Variants in FGF12 observed in about 807,000 individuals in gnomAD.
FGF12 encodes fibroblast growth factor 12.
In FGF12, 14 loss-of-function variants were observed where a neutral mutation model predicts 23.6. The ratio of observed to expected loss-of-function variants is 0.59; its 90% CI spans 0.39 to 0.93. The LOEUF is 0.93. Ranked by LOEUF, FGF12 falls within the 40% of genes least tolerant of loss-of-function variation. The probability of loss-of-function intolerance (pLI) is 0.00; values close to 1 mark genes in which losing one functional copy is unlikely to be tolerated. For synonymous variants in FGF12, 62 were observed against 77.3 expected, an observed-to-expected ratio of 0.80 and a Z score of 1.04; for missense variants, 175 against 217.8, an observed-to-expected ratio of 0.80 and a Z score of 1.24.
At chr3:192,691,112 A>T (rs76747086) in intron 2 of FGF12, among the ~76,000 whole-genome samples, 5,577 of 152,104 alleles carry the variant, frequency 0.037, 369 homozygotes, top group African/African-American at 0.13. Flanking sequence ...CCCACTTTCA[A>T]CAATGGATAG....
intron 2 of FGF12, among the ~76,000 whole-genome samples, chr3:192,615,893 T>G (rs1487594674): frequency 6.6e-6 from 1 of 152,034 alleles, no homozygotes; most frequent in African/African-American, 2.4e-5. Flanking sequence ...TGTTTATATA[T>G]TTCATTGATT....
chr3:192,290,959 C>G (rs1436575314), intron 4 of FGF12, among the ~76,000 whole-genome samples: 1 of 152,064 alleles, frequency 6.6e-6, no homozygotes, highest in Admixed American at 6.6e-5. Context: ...CGAAAAACAT[C>G]TATACATACA....
intron 2 of FGF12, among the ~76,000 whole-genome samples, chr3:192,483,492 GT>G (rs1723539674): frequency 6.6e-6 from 1 of 152,154 alleles, no homozygotes; most frequent in African/African-American, 2.4e-5. Context: ...GCCTGATACG[GT>G]TTTATTTCCT....
intron 2 of FGF12, among the ~76,000 whole-genome samples, chr3:192,451,251 A>G (rs1262004099): frequency 6.6e-6 from 1 of 152,252 alleles, no homozygotes; most frequent in East Asian, 1.9e-4. Context: ...GTAGGTATAA[A>G]GAATGATCAG....
At chr3:192,424,202 T>C (rs949941122) in intron 2 of FGF12, among the ~76,000 whole-genome samples, 1 of 152,178 alleles carries the variant, frequency 6.6e-6, no homozygotes, top group African/African-American at 2.4e-5. Context: ...TATTTTCAAA[T>C]AAAACAGGAT....
chr3:192,544,658 A>AT (rs139223405), intron 2 of FGF12, among the ~76,000 whole-genome samples: 23 of 151,642 alleles, frequency 1.5e-4, no homozygotes, highest in Admixed American at 2.0e-4. Context: ...AAATTTTACA[A>AT]TTTTTTTTTA....
intron 2 of FGF12, among the ~76,000 whole-genome samples, chr3:192,692,970 A>C (rs1291772956): frequency 2.0e-5 from 3 of 150,086 alleles, no homozygotes; most frequent in Non-Finnish European, 4.4e-5. Context: ...AAGAATAACC[A>C]GAAAAGAAAA....
intron 2 of FGF12, among the ~76,000 whole-genome samples, chr3:192,372,416 C>T (rs992561882): frequency 1.3e-5 from 2 of 149,842 alleles, no homozygotes; most frequent in South Asian, 2.1e-4. Context: ...CACACACACA[C>T]ACACAATGCT....
intron 4 of FGF12, among the ~76,000 whole-genome samples, chr3:192,224,887 C>A (rs1355499415): frequency 6.6e-6 from 1 of 152,020 alleles, no homozygotes; most frequent in Non-Finnish European, 1.5e-5. Context: ...TTTAAAAGTC[C>A]AGTATGTAAA....
chr3:192,361,862 C>A (rs1051087302), intron 2 of FGF12, among the ~76,000 whole-genome samples: 1 of 152,038 alleles, frequency 6.6e-6, no homozygotes, highest in Non-Finnish European at 1.5e-5. Flanking sequence ...CAAAGCAGTC[C>A]TACAAAGCAA....
chr3:192,294,737 A>T (rs1016502949), intron 4 of FGF12, among the ~76,000 whole-genome samples: 2 of 152,236 alleles, frequency 1.3e-5, no homozygotes, highest in Non-Finnish European at 2.9e-5. Flanking sequence ...CAACTATAAC[A>T]TAAAATAAAA....
At chr3:192,481,974 TAAAGA>T (rs1723492404) in intron 2 of FGF12, among the ~76,000 whole-genome samples, 1 of 152,162 alleles carries the variant, frequency 6.6e-6, no homozygotes, top group Non-Finnish European at 1.5e-5. Context: ...TATGAAGAAG[TAAAGA>T]AGAGTCACAT....
chr3:192,190,717 C>T (rs1223036974), intron 4 of FGF12, among the ~76,000 whole-genome samples: 9 of 151,914 alleles, frequency 5.9e-5, no homozygotes, highest in Admixed American at 1.3e-4. Flanking sequence ...CCTCGTGATC[C>T]GCCCACCTCG....
intron 2 of FGF12, among the ~76,000 whole-genome samples, chr3:192,446,484 G>A (rs139446287): frequency 1.1e-3 from 162 of 152,326 alleles, no homozygotes; most frequent in African/African-American, 3.8e-3. Context: ...TGAACCATTA[G>A]ATGCTATGGA....
chr3:192,342,647 G>A lies in FGF12; in HGVS notation c.125-7183C>T, dbSNP rs550189478. Among the ~76,000 whole-genome samples the A allele has an allele frequency of 8.6e-5, 13 of 152,018 alleles. No homozygotes were observed. In the South Asian group the frequency reaches 2.5e-3, roughly 29 times the overall value. On this transcript the variant is annotated intron_variant, in intron 3 of 5. Coordinates refer to ENST00000445105, the MANE Select transcript of FGF12 (RefSeq NM_004113.6). ...AAATAATTTAGTCAGGTATGTGTGTGTGCCTGTGGTCCCAGCTACTTGGGA... is the reference window on the plus strand; with the variant it reads ...AAATAATTTAGTCAGGTATGTGTGTATGCCTGTGGTCCCAGCTACTTGGGA...
At chr3:192,271,503 C>A (rs1010584800) in intron 4 of FGF12, among the ~76,000 whole-genome samples, 1 of 152,148 alleles carries the variant, frequency 6.6e-6, no homozygotes, top group African/African-American at 2.4e-5. Flanking sequence ...GCGTATCCCA[C>A]CCATCTTTGA....
At chr3:192,499,462 G>T (rs1447794369) in intron 2 of FGF12, among the ~76,000 whole-genome samples, 4 of 123,410 alleles carry the variant, frequency 3.2e-5, no homozygotes, top group Non-Finnish European at 6.4e-5. Flanking sequence ...CTAAAAGGGT[G>T]CATTCAATGC....
chr3:192,288,154 T>A (rs1167009600), intron 4 of FGF12, among the ~76,000 whole-genome samples: 1 of 152,102 alleles, frequency 6.6e-6, no homozygotes, highest in Non-Finnish European at 1.5e-5. Context: ...TCAAGCGATG[T>A]GTGGGCAGGG....
chr3:192,371,144 C>T (rs1283408777), intron 2 of FGF12, among the ~76,000 whole-genome samples: 1 of 152,066 alleles, frequency 6.6e-6, no homozygotes, highest in Non-Finnish European at 1.5e-5. Flanking sequence ...CTGGAGAATG[C>T]CGACCACAAG....
Sources: allele counts gnomAD v4.1 joint callset (sites outside exome capture counted in the v4.1 genomes callset), GRCh38; gene constraint gnomAD v4.1.1; transcripts MANE v1.5; gene names NCBI Gene and HGNC (gene_info 2026-07-23, HGNC 2026-07-21).